LPAR3: variants seen among roughly 807,000 people sequenced by gnomAD.
LPAR3 encodes LPA receptor 3.
In LPAR3, 7 loss-of-function variants were observed where a neutral mutation model predicts 17.8. The observed-to-expected ratio is 0.39, with a 90% CI of 0.22 to 0.74. The LOEUF (loss-of-function observed/expected upper bound fraction) is 0.74. LPAR3 is among the 30% of genes least tolerant of loss of function. The pLI is 0.40. For synonymous variants in LPAR3, 179 were observed against 179.9 expected, an observed-to-expected ratio of 0.99 and a Z score of 0.04; for missense variants, 391 against 453.4, an observed-to-expected ratio of 0.86 and a Z score of 1.25.
chr1:84,858,382 G>T (rs564772440), intron 2 of LPAR3, among the ~76,000 whole-genome samples: 4 of 151,386 alleles, frequency 2.6e-5, no homozygotes, highest in Non-Finnish European at 5.9e-5. Flanking sequence ...TATTCAGGAG[G>T]CTGAGGCACA....
In LPAR3 at chr1:84,813,948, G is replaced by A. The variant is rs1658874141; in HGVS notation, c.960C>T (p.Pro320=). The A allele has an allele frequency of 1.2e-6, 2 of 1,614,150 alleles. No homozygotes were observed. The highest frequency in any genetic ancestry group is 1.3e-5 in the African/African-American group (1 of 75,032). ...TGAGGACTGTGGAGGGGATGCGAGA[G>A]GGACGCCTCTCTGGGTTCTCCTGAG... ...CFSQENPERR[P]SRIPSTVLSR... is the part of the protein sequence containing the mutation. The change falls in exon 3 of 3, where the codon CCC becomes CCT. Residue 320 remains proline (P), a synonymous_variant. Transcript: ENST00000370611.
chr1:84,852,512 A>C (rs1026092462), intron 2 of LPAR3, among the ~76,000 whole-genome samples: 3 of 152,178 alleles, frequency 2.0e-5, no homozygotes, highest in Non-Finnish European at 2.9e-5. Context: ...CAGGTAGAGC[A>C]GGTCTGCAGG....
At position 84,813,801 on chromosome 1, in the gene LPAR3, T is replaced by G; in HGVS notation, c.*45A>C. ...GAGACAGGTAATCATTCTTAACAGC[T>G]CTTTTCCCAGAGGAGGCCTGGGTGG... On this transcript the variant is annotated 3_prime_UTR_variant, in exon 3 of 3. Coordinates refer to ENST00000370611, the MANE Select transcript of LPAR3 (RefSeq NM_012152.3). 6.8e-7 allele frequency: 1 copy of G among 1,466,940 alleles called. No homozygotes were observed. The highest frequency in any genetic ancestry group is 9.4e-7 in the Non-Finnish European group (1 of 1,058,790). The allele number at this position is 1,466,940 out of a possible 1,614,324, so 90.9% of individuals were successfully genotyped here. A position where few individuals can be genotyped will look rare whatever the true frequency, so the allele number is the denominator to read the frequency against.
intron 2 of LPAR3, among the ~76,000 whole-genome samples, chr1:84,837,120 C>T (rs1424017841): frequency 6.7e-6 from 1 of 150,064 alleles, no homozygotes; most frequent in African/African-American, 2.5e-5. Context: ...CTCCTGCATT[C>T]AAGTGATTCT....
chr1:84,847,621 G>A (rs1387880203), intron 2 of LPAR3, among the ~76,000 whole-genome samples: 1 of 152,126 alleles, frequency 6.6e-6, no homozygotes, highest in Non-Finnish European at 1.5e-5. Context: ...TTGGGACCTG[G>A]GTGTCTGTTT....
intron 2 of LPAR3, among the ~76,000 whole-genome samples, chr1:84,820,518 T>C (rs1659033217): frequency 6.6e-6 from 1 of 152,198 alleles, no homozygotes; most frequent in South Asian, 2.1e-4. Flanking sequence ...GTGAAGCATC[T>C]GGGTAATTCC....
chr1:84,889,278 C>T (rs1163781988), intron 1 of LPAR3, among the ~76,000 whole-genome samples: 1 of 152,090 alleles, frequency 6.6e-6, no homozygotes, highest in Non-Finnish European at 1.5e-5. Flanking sequence ...AAGTAATTAG[C>T]TTAATTTGGG....
At chr1:84,873,740 T>G (rs1660202167) in intron 1 of LPAR3, among the ~76,000 whole-genome samples, 1 of 148,788 alleles carries the variant, frequency 6.7e-6, no homozygotes, top group African/African-American at 2.6e-5. Context: ...CAGTTTTTTT[T>G]GTTTGTTTTG....
At chr1:84,864,327 G>A (rs990142843) in intron 2 of LPAR3, among the ~76,000 whole-genome samples, 3 of 152,078 alleles carry the variant, frequency 2.0e-5, no homozygotes, top group Non-Finnish European at 4.4e-5. Flanking sequence ...TTTATGCCAG[G>A]GGTTGCAAAT....
At chr1:84,851,834 T>C (rs1157012698) in intron 2 of LPAR3, among the ~76,000 whole-genome samples, 1 of 152,120 alleles carries the variant, frequency 6.6e-6, no homozygotes, top group African/African-American at 2.4e-5. Context: ...CCCAACTAAT[T>C]TGGGCTTTAT....
chr1:84,827,104 G>C (rs185084704), intron 2 of LPAR3, among the ~76,000 whole-genome samples: 8 of 152,196 alleles, frequency 5.3e-5, no homozygotes, highest in Admixed American at 2.0e-4. Context: ...GTCATTCAAC[G>C]GTAAAACCAC....
intron 1 of LPAR3, among the ~76,000 whole-genome samples, chr1:84,886,444 C>T (rs1660462283): frequency 6.6e-6 from 1 of 152,112 alleles, no homozygotes; most frequent in Non-Finnish European, 1.5e-5. Context: ...GAGGACTGCT[C>T]AAACCTAGGA....
At chr1:84,876,949 T>A (rs919300179) in intron 1 of LPAR3, among the ~76,000 whole-genome samples, 3 of 152,140 alleles carry the variant, frequency 2.0e-5, no homozygotes, top group African/African-American at 7.2e-5. Context: ...CTGCAGATAG[T>A]AAGTGATTCA....
intron 2 of LPAR3, among the ~76,000 whole-genome samples, chr1:84,829,152 A>ATTTTTTTTTTTTTTT (rs56095946): frequency 1.8e-5 from 1 of 55,550 alleles, no homozygotes. Context: ...CCTCTCTGCA[A>ATTTTTTTTTTTTTTT]TTTTTTTTTT....
intron 2 of LPAR3, among the ~76,000 whole-genome samples, chr1:84,829,488 T>G (rs1004503743): frequency 6.8e-4 from 104 of 152,154 alleles, no homozygotes; most frequent in African/African-American, 2.5e-3. Flanking sequence ...CATATCTGCT[T>G]CCATCCCACT....
intron 1 of LPAR3, among the ~76,000 whole-genome samples, chr1:84,870,376 AT>A (rs1253593650): frequency 6.6e-6 from 1 of 152,220 alleles, no homozygotes; most frequent in African/African-American, 2.4e-5. Context: ...GAACCTGCCT[AT>A]TATGCTCATA....
chr1:84,880,993 C>T (rs1448859180), intron 1 of LPAR3, among the ~76,000 whole-genome samples: 1 of 152,168 alleles, frequency 6.6e-6, no homozygotes, highest in African/African-American at 2.4e-5. Flanking sequence ...TTTTTAGGCC[C>T]CTGTTACTTG....
At chr1:84,864,218 AAAAAAAC>A (rs199677663) in intron 2 of LPAR3, among the ~76,000 whole-genome samples, 3,804 of 151,818 alleles carry the variant, frequency 0.025, 55 homozygotes, top group South Asian at 0.063. Flanking sequence ...TCTCAAAAAA[AAAAAAAC>A]AAAAAACAAA....
chr1:84,811,658 C>T lies in LPAR3; in HGVS notation c.*2188G>A, dbSNP rs1306958341. 1 of 149,398 alleles carries T rather than the reference C, an allele frequency of 6.7e-6. No homozygotes were observed. Among genetic ancestry groups the T allele is most frequent in the Non-Finnish European group, 1.5e-5 (1 of 67,110 alleles). The allele number at this position is 149,398 out of a possible 1,614,324, so 9.3% of individuals were successfully genotyped here. On this transcript the variant is annotated 3_prime_UTR_variant, in exon 3 of 3. Transcript: ENST00000370611. ...GCTTCGATAAAAGCTTCAGATAGAC[C>T]CACATACTATACAGAGTTTGTGAAA...
Sources: allele counts gnomAD v4.1 joint callset (sites outside exome capture counted in the v4.1 genomes callset), GRCh38; gene constraint gnomAD v4.1.1; transcripts MANE v1.5; gene names NCBI Gene and HGNC (gene_info 2026-07-23, HGNC 2026-07-21).